Variants in SMURF2 observed in about 807,000 individuals in gnomAD.
The protein encoded by SMURF2 is E3 ubiquitin-protein ligase SMURF2.
A neutral mutation model predicts 109.6 loss-of-function variants in SMURF2; 48 were observed. The observed-to-expected ratio is 0.44, with a 90% CI of 0.35 to 0.56. The LOEUF is 0.56. Among genes scored for constraint, SMURF2 ranks in the 20% least tolerant of loss-of-function variants. The pLI is 0.01. For missense variants in SMURF2, 575 were observed against 909.0 expected, an observed-to-expected ratio of 0.63 and a Z score of 4.72; for synonymous variants, 288 against 317.1, an observed-to-expected ratio of 0.91 and a Z score of 0.97.
chr17:64,621,415 A>C (rs782096581), intron 1 of SMURF2, among the ~76,000 whole-genome samples: 3 of 151,710 alleles, frequency 2.0e-5, no homozygotes, highest in Non-Finnish European at 2.9e-5. Flanking sequence ...TCCCGTCTCT[A>C]CTAAAAATAC....
chr17:64,605,549 C>G (rs1224852046), intron 2 of SMURF2, among the ~76,000 whole-genome samples: 1 of 151,170 alleles, frequency 6.6e-6, no homozygotes, highest in Admixed American at 6.6e-5. Flanking sequence ...ATAGCAAGAT[C>G]CTGCCTCTAC....
In SMURF2 at chr17:64,571,914, A is replaced by G. The variant is rs1969404339; in HGVS notation, c.900T>C (p.Pro300=). The change falls in exon 10 of 19, where the codon CCT becomes CCC. Residue 300 remains proline, a synonymous_variant. Transcript: ENST00000262435. ...NINCEELGPL[P]PGWEIRNTAT... ...CCGTATTACGGATCTCCCATCCAGG[A>G]GGCAATGGACCAAGCTCTTCACAAT... The G allele has an allele frequency of 1.9e-6, 3 of 1,613,928 alleles. No homozygotes were observed. Among genetic ancestry groups the G allele is most frequent in the East Asian group, 4.5e-5 (2 of 44,878 alleles).
intron 1 of SMURF2, among the ~76,000 whole-genome samples, chr17:64,653,811 G>A (rs992775612): frequency 6.6e-6 from 1 of 152,154 alleles, no homozygotes; most frequent in African/African-American, 2.4e-5. Context: ...ATGTTTATTC[G>A]TAATGGCCAA....
rs116583937 is a variant in SMURF2, at chr17:64,547,877, G to A, written c.1870-76C>T. 2,427 of 1,240,218 alleles carry A rather than the reference G, an allele frequency of 2.0e-3. 37 individuals carry two copies. In the African/African-American group the frequency reaches 0.032, roughly 16 times the overall value. The allele number at this position is 1,240,218 out of a possible 1,614,324, so 76.8% of individuals were successfully genotyped here. A position where few individuals can be genotyped will look rare whatever the true frequency, so the allele number is the denominator to read the frequency against. ...AAAATTCCTCAAAAGAGAACTTTAG[G>A]TTTGTACTGCTGGCTGTCATTTGGT... On this transcript the variant is annotated intron_variant, in intron 16 of 18. Transcript: ENST00000262435. The surrounding 1 kb of genome is among the most constrained non-coding windows in gnomAD (Gnocchi z 4.2).
At chr17:64,609,691 A>G (rs1436557105) in intron 1 of SMURF2, among the ~76,000 whole-genome samples, 2 of 128,442 alleles carry the variant, frequency 1.6e-5, no homozygotes, top group African/African-American at 8.3e-5. Flanking sequence ...CCTAGGCAAT[A>G]CCATTCAGGA....
rs986502251 is a variant in SMURF2, at chr17:64,578,364, G to A, written c.857+128C>T. ...CTTTCTACTAAACGTTAAAACTGAAGTAACTATCAGAAGAGTCAAACTTTT... is the reference window on the plus strand; with the variant it reads ...CTTTCTACTAAACGTTAAAACTGAAATAACTATCAGAAGAGTCAAACTTTT... On this transcript the variant is annotated intron_variant, in intron 9 of 18. Coordinates refer to ENST00000262435, the MANE Select transcript of SMURF2 (RefSeq NM_022739.4). The A allele has an allele frequency of 1.4e-5, 9 of 641,188 alleles. No individual in the cohort carries two copies. The African/African-American group carries it at 1.7e-4, about 12-fold the overall frequency. The allele number at this position is 641,188 out of a possible 1,614,324, so 39.7% of individuals were successfully genotyped here. A position where few individuals can be genotyped will look rare whatever the true frequency, so the allele number is the denominator to read the frequency against.
intron 1 of SMURF2, among the ~76,000 whole-genome samples, chr17:64,651,229 T>C (rs1970634938): frequency 6.7e-6 from 1 of 148,838 alleles, no homozygotes; most frequent in Non-Finnish European, 1.5e-5. Context: ...ATATATATGC[T>C]TACATTTTAA....
At chr17:64,619,584 T>C (rs1389319415) in intron 1 of SMURF2, among the ~76,000 whole-genome samples, 6 of 152,008 alleles carry the variant, frequency 3.9e-5, no homozygotes, top group Admixed American at 3.9e-4. Context: ...AGCAAACATT[T>C]GTTTTTCACA....
At chr17:64,569,515 T>C (rs527566407) in intron 10 of SMURF2, among the ~76,000 whole-genome samples, 19 of 152,194 alleles carry the variant, frequency 1.2e-4, no homozygotes, top group Non-Finnish European at 2.4e-4. Context: ...TCAAGCTCAA[T>C]AGACAATGGC....
intron 1 of SMURF2, among the ~76,000 whole-genome samples, chr17:64,651,485 C>T (rs9895772): frequency 0.22 from 32,851 of 148,682 alleles, 7,212 homozygotes; most frequent in African/African-American, 0.57. Flanking sequence ...GGCAGAAGAA[C>T]TGCTTGAACC....
At chr17:64,602,894 C>T (rs782631254) in intron 2 of SMURF2, among the ~76,000 whole-genome samples, 5 of 151,878 alleles carry the variant, frequency 3.3e-5, no homozygotes, top group Non-Finnish European at 7.4e-5. Context: ...CACTGCACTC[C>T]AGCCCGGGTG....
At chr17:64,615,406 TA>T (rs1970107789) in intron 1 of SMURF2, among the ~76,000 whole-genome samples, 1 of 152,212 alleles carries the variant, frequency 6.6e-6, no homozygotes, top group African/African-American at 2.4e-5. Context: ...GTTATCATTG[TA>T]AAATAAAACC....
chr17:64,574,534 G>A (rs559903944), intron 9 of SMURF2, among the ~76,000 whole-genome samples: 3 of 152,096 alleles, frequency 2.0e-5, no homozygotes. Context: ...AAATATCTTC[G>A]AATAGTGATA....
At position 64,661,871 on chromosome 17, in the gene SMURF2, G is replaced by T. The variant is rs1191582356; in HGVS notation, c.10C>A (p.Pro4Thr). 2 of 1,214,386 alleles carry T rather than the reference G, an allele frequency of 1.6e-6. No homozygotes were observed. The highest frequency in any genetic ancestry group is 2.0e-6 in the Non-Finnish European group (2 of 977,166). 75.2% of individuals were successfully genotyped at this position (1,214,386 alleles called of 1,614,324 possible). The change falls in exon 1 of 19, where the codon CCC becomes ACC. Residue 4 changes from proline to threonine, a missense_variant. Pro to Thr is a conservative substitution (Grantham distance 38). Coordinates refer to ENST00000262435, the MANE Select transcript of SMURF2 (RefSeq NM_022739.4). Reference protein sequence around the residue: MSNPGGRRNGPVKL... With the variant: MSNTGGRRNGPVKL... ...ACGGGCCCGTTCCTCCGGCCTCCGGGGTTAGACATGTCCCCGGCGGCGGGG... is the reference window on the plus strand; with the variant it reads ...ACGGGCCCGTTCCTCCGGCCTCCGGTGTTAGACATGTCCCCGGCGGCGGGG...
intron 10 of SMURF2, among the ~76,000 whole-genome samples, chr17:64,568,756 C>A (rs1302217318): frequency 6.6e-6 from 1 of 152,088 alleles, no homozygotes; most frequent in Non-Finnish European, 1.5e-5. Context: ...AATCCCAGCA[C>A]TTTGGGAGGC....
At chr17:64,637,017 C>T (rs542892014) in intron 1 of SMURF2, among the ~76,000 whole-genome samples, 2 of 151,880 alleles carry the variant, frequency 1.3e-5, no homozygotes, top group African/African-American at 4.8e-5. Flanking sequence ...CCCAGGAGTT[C>T]GAGACCAGTC....
rs1302876422 is a variant in SMURF2, at chr17:64,662,098, G to A, written c.-218C>T. The A allele has an allele frequency of 9.4e-6, 10 of 1,066,814 alleles. No individual in the cohort carries two copies. Among genetic ancestry groups the A allele is most frequent in the Non-Finnish European group, 1.0e-5 (9 of 883,002 alleles). The allele number at this position is 1,066,814 out of a possible 1,614,324, so 66.1% of individuals were successfully genotyped here. A position where few individuals can be genotyped will look rare whatever the true frequency, so the allele number is the denominator to read the frequency against. On this transcript the variant is annotated 5_prime_UTR_variant, in exon 1 of 19. Transcript: ENST00000262435. ...CTCCCACTTCTCCTTCCTCGGCCCG[G>A]GCCGCACAACAAAGCGGCAGCCGCG...
intron 16 of SMURF2, among the ~76,000 whole-genome samples, chr17:64,548,266 T>C (rs1968987770): frequency 6.6e-6 from 1 of 152,232 alleles, no homozygotes; most frequent in African/African-American, 2.4e-5. Flanking sequence ...TGAGGGCAAT[T>C]CAATCAATTC....
intron 1 of SMURF2, among the ~76,000 whole-genome samples, chr17:64,606,916 TCTA>T (rs1969978543): frequency 6.6e-6 from 1 of 152,116 alleles, no homozygotes; most frequent in East Asian, 1.9e-4. Flanking sequence ...TCCATCAAGA[TCTA>T]CTCTCTGAGA....
Sources: gnomAD v4.1 joint callset for allele counts (sites outside exome capture counted in the v4.1 genomes callset) on GRCh38, gnomAD v4.1.1 for gene constraint, Gnocchi (gnomAD v3.1) non-coding constraint, MANE v1.5 for transcripts, NCBI Gene and HGNC (gene_info 2026-07-23, HGNC 2026-07-21) for gene names.